TANGO6: variants seen among roughly 807,000 people sequenced by gnomAD.
The protein encoded by TANGO6 is transport and golgi organization 6 homolog.
In TANGO6, 90 loss-of-function variants were observed where a neutral mutation model predicts 114.2. That is an observed-to-expected ratio of 0.79 (90% CI 0.66 to 0.94). The LOEUF is 0.94. Among genes scored for constraint, TANGO6 ranks in the 40% least tolerant of loss-of-function variants. TANGO6 has a pLI of 0.00. For synonymous variants in TANGO6, 477 were observed against 509.8 expected, an observed-to-expected ratio of 0.94 and a Z score of 0.87; for missense variants, 1,274 against 1,315.3, an observed-to-expected ratio of 0.97 and a Z score of 0.49.
intron 4 of TANGO6, among the ~76,000 whole-genome samples, chr16:68,874,425 T>C (rs1962325361): frequency 6.6e-6 from 1 of 152,220 alleles, no homozygotes; most frequent in Admixed American, 6.5e-5. Context: ...CTGGAAACCA[T>C]TGTTTATATA....
intron 7 of TANGO6, among the ~76,000 whole-genome samples, chr16:68,883,036 A>C (rs1418706207): frequency 1.3e-5 from 2 of 152,070 alleles, no homozygotes; most frequent in African/African-American, 4.8e-5. Context: ...TAAATAAATA[A>C]AAATACAAAG....
In TANGO6 at chr16:69,028,856, C is replaced by CAAAAAA. The variant is rs397761274; in HGVS notation, c.2994+5890_2994+5895dup. On this transcript the variant is annotated intron_variant, in intron 16 of 17. Transcript: ENST00000261778. ...GCACACACCACCATGCCCAGTTTAA[C>CAAAAAA]AAAAAAAAAAAAAAAAAAGAAAAAG... Among the ~76,000 whole-genome samples the CAAAAAA allele has an allele frequency of 2.2e-3, 139 of 62,676 alleles. 1 individual carries two copies. The highest frequency in any genetic ancestry group is 4.8e-3 in the East Asian group (8 of 1,654). The allele number at this position is 62,676 out of a possible 152,430, so 41.1% of individuals were successfully genotyped here. A position where few individuals can be genotyped will look rare whatever the true frequency, so the allele number is the denominator to read the frequency against.
chr16:68,878,015 G>A (rs935758654), intron 5 of TANGO6, 103 bp from the exon 6 acceptor site: 1 of 960,478 alleles, frequency 1.0e-6, no homozygotes, highest in Non-Finnish European at 1.5e-6. Flanking sequence ...TGTTATTGAG[G>A]TGAATTTATT....
At chr16:68,911,365 G>A (rs1364264410) in intron 11 of TANGO6, among the ~76,000 whole-genome samples, 2 of 150,958 alleles carry the variant, frequency 1.3e-5, no homozygotes, top group African/African-American at 2.4e-5. Context: ...ATCCCAAGAA[G>A]CAATGACAAC....
At chr16:68,969,647 A>T (rs1963683211) in intron 14 of TANGO6, among the ~76,000 whole-genome samples, 1 of 152,024 alleles carries the variant, frequency 6.6e-6, no homozygotes, top group Non-Finnish European at 1.5e-5. Context: ...GGGAGAACTA[A>T]AAGCTCCCTA....
At chr16:69,041,920 A>C (rs937921145) in intron 17 of TANGO6, among the ~76,000 whole-genome samples, 1 of 152,230 alleles carries the variant, frequency 6.6e-6, no homozygotes, top group African/African-American at 2.4e-5. Context: ...CCTCATGGCT[A>C]CAAGATAGCT....
intron 17 of TANGO6, among the ~76,000 whole-genome samples, chr16:69,061,735 C>T (rs1437896824): frequency 1.3e-5 from 2 of 151,320 alleles, no homozygotes; most frequent in Admixed American, 1.3e-4. Flanking sequence ...AATGCATTTC[C>T]GGCCGGGCGC....
intron 17 of TANGO6, among the ~76,000 whole-genome samples, chr16:69,071,210 G>C (rs1466587246): frequency 6.6e-6 from 1 of 152,114 alleles, no homozygotes; most frequent in Admixed American, 6.6e-5. Flanking sequence ...AGTTAGGAAT[G>C]CCTAACTTCT....
At chr16:68,977,336 A>G (rs1334244638) in intron 15 of TANGO6, among the ~76,000 whole-genome samples, 9 of 151,176 alleles carry the variant, frequency 6.0e-5, no homozygotes, top group Non-Finnish European at 8.8e-5. Context: ...TTTCTGACCA[A>G]TGGATTCATG....
chr16:69,079,857 C>G (rs1960440696), intron 17 of TANGO6, among the ~76,000 whole-genome samples: 1 of 152,150 alleles, frequency 6.6e-6, no homozygotes, highest in East Asian at 1.9e-4. Flanking sequence ...ACCCTTTGAG[C>G]CAGAAATTCC....
intron 15 of TANGO6, among the ~76,000 whole-genome samples, chr16:69,022,178 G>T (rs896676839): frequency 6.6e-6 from 1 of 151,874 alleles, no homozygotes; most frequent in Non-Finnish European, 1.5e-5. Context: ...GAGCCACCGC[G>T]CCTGGCCGTG....
At chr16:69,018,494 C>T (rs565873365) in intron 15 of TANGO6, among the ~76,000 whole-genome samples, 2 of 151,808 alleles carry the variant, frequency 1.3e-5, no homozygotes, top group African/African-American at 4.8e-5. Flanking sequence ...TCATAGGTAA[C>T]TCATAGGAAT....
At chr16:68,978,038 A>G (rs1235160666) in intron 15 of TANGO6, among the ~76,000 whole-genome samples, 3 of 152,146 alleles carry the variant, frequency 2.0e-5, no homozygotes, top group Non-Finnish European at 4.4e-5. Flanking sequence ...TGAACTTTCT[A>G]TATTTGCCTT....
At chr16:69,038,515 AT>A (rs1218472153) in intron 16 of TANGO6, among the ~76,000 whole-genome samples, 3 of 151,374 alleles carry the variant, frequency 2.0e-5, no homozygotes, top group African/African-American at 4.9e-5. Flanking sequence ...ACTTTCAAAA[AT>A]TTTTTTTTCT....
At chr16:69,023,101 C>A in intron 16 of TANGO6, 122 bp downstream of exon 16, 2 of 1,062,274 alleles carry the variant, frequency 1.9e-6, no homozygotes, top group Non-Finnish European at 2.6e-6. Flanking sequence ...CCCTGTGAGA[C>A]AGGGCAAGTG....
chr16:68,880,034 A>G (rs1962432262), intron 6 of TANGO6, among the ~76,000 whole-genome samples: 1 of 151,844 alleles, frequency 6.6e-6, no homozygotes, highest in Non-Finnish European at 1.5e-5. Context: ...GTGCAGTGGC[A>G]CAATCTCGGC....
At chr16:68,949,866 T>C (rs1010992271) in intron 14 of TANGO6, among the ~76,000 whole-genome samples, 1 of 152,036 alleles carries the variant, frequency 6.6e-6, no homozygotes, top group Admixed American at 6.6e-5. Context: ...TTATAATAGC[T>C]GAAAAATTGA....
rs533486874 is a variant in TANGO6, at chr16:68,863,302, T to C, written c.852+241T>C. On this transcript the variant is annotated intron_variant, in intron 3 of 17. Coordinates refer to ENST00000261778, the MANE Select transcript of TANGO6 (RefSeq NM_024562.2). ...TTTTCCCAAGAATATTATGATCACT[T>C]TTTTTAAGACTTATGGCAATTTTGG... is the stretch of plus-strand genomic sequence containing the variant. 49 of 319,582 alleles carry C rather than the reference T, an allele frequency of 1.5e-4. No individual in the cohort carries two copies. The South Asian group carries it at 3.8e-3, about 25-fold the overall frequency. The allele number at this position is 319,582 out of a possible 1,614,324, so 19.8% of individuals were successfully genotyped here. A position where few individuals can be genotyped will look rare whatever the true frequency, so the allele number is the denominator to read the frequency against.
chr16:69,036,658 C>A (rs1336588923), intron 16 of TANGO6, among the ~76,000 whole-genome samples: 2 of 152,114 alleles, frequency 1.3e-5, no homozygotes, highest in African/African-American at 4.8e-5. Context: ...CAAGGTGGCA[C>A]AGGGATTCAA....
Sources: gnomAD v4.1 joint callset for allele counts (sites outside exome capture counted in the v4.1 genomes callset) on GRCh38, gnomAD v4.1.1 for gene constraint, MANE v1.5 for transcripts, NCBI Gene and HGNC (gene_info 2026-07-23, HGNC 2026-07-21) for gene names.